Variants in FRMD4B observed in about 807,000 individuals in gnomAD.
The protein encoded by FRMD4B is FERM domain containing 4B.
FRMD4B carries 74 observed loss-of-function variants against 141.5 expected under a neutral mutation model. That is an observed-to-expected ratio of 0.52 (90% CI 0.43 to 0.63). The LOEUF (loss-of-function observed/expected upper bound fraction) is 0.63. Among genes scored for constraint, FRMD4B ranks in the 30% least tolerant of loss-of-function variants. The probability of loss-of-function intolerance (pLI) is 0.00; values close to 1 mark genes in which losing one functional copy is unlikely to be tolerated. For missense variants in FRMD4B, 1,366 were observed against 1,253.4 expected, an observed-to-expected ratio of 1.09 and a Z score of -1.36; for synonymous variants, 506 against 467.9, an observed-to-expected ratio of 1.08 and a Z score of -1.05.
chr3:69,540,139 G>C (rs998167923), intron 1 of FRMD4B, among the ~76,000 whole-genome samples: 13 of 152,026 alleles, frequency 8.6e-5, no homozygotes, highest in Admixed American at 7.9e-4. Context: ...GTTGCGGTGA[G>C]CCGCGATCGC....
intron 1 of FRMD4B, among the ~76,000 whole-genome samples, chr3:69,477,350 A>T (rs145217092): frequency 7.2e-6 from 1 of 139,414 alleles, no homozygotes; most frequent in African/African-American, 3.0e-5. Flanking sequence ...TTTGTCATAG[A>T]TAGCTCTTAT....
chr3:69,263,109 T>A (rs1192613318), intron 5 of FRMD4B, among the ~76,000 whole-genome samples: 1 of 151,656 alleles, frequency 6.6e-6, no homozygotes, highest in Non-Finnish European at 1.5e-5. Flanking sequence ...AAATACAAAT[T>A]AGCCAGGCAT....
rs1167369207 is a variant in FRMD4B at position 69,171,908 on chromosome 3, G to T, written c.3058C>A (p.Gln1020Lys). Residue 1020 changes from glutamine to lysine, a missense_variant, in exon 23 of 23, where the codon CAG (glutamine) becomes AAG (lysine). Physicochemically the swap from Gln to Lys is moderately conservative, Grantham distance 53. Transcript: ENST00000398540. ...GAATCTTCATGCCAAAAGAGTCTCTGCTCACTACTCTCCAGGTTGTCTTCC... is the reference window on the plus strand; with the variant it reads ...GAATCTTCATGCCAAAAGAGTCTCTTCTCACTACTCTCCAGGTTGTCTTCC... ...QLEDNLESSE[Q>K]RLFWHEDSKP... 1 of 1,613,104 alleles carries T rather than the reference G, an allele frequency of 6.2e-7. No individual in the cohort carries two copies. Among genetic ancestry groups the T allele is most frequent in the Non-Finnish European group, 8.5e-7 (1 of 1,179,128 alleles).
chr3:69,520,013 T>TGGA (rs56940736), intron 1 of FRMD4B, among the ~76,000 whole-genome samples: 5 of 130,012 alleles, frequency 3.8e-5, no homozygotes, highest in African/African-American at 1.7e-4. Context: ...TATATATATA[T>TGGA]ATATATATAT....
At chr3:69,208,909 G>C (rs1404472835) in intron 11 of FRMD4B, among the ~76,000 whole-genome samples, 1 of 152,110 alleles carries the variant, frequency 6.6e-6, no homozygotes, top group Non-Finnish European at 1.5e-5. Flanking sequence ...ACTTTGGGAG[G>C]CTGAGGCAGG....
chr3:69,417,122 G>T (rs1704880696), intron 2 of FRMD4B, among the ~76,000 whole-genome samples: 1 of 152,134 alleles, frequency 6.6e-6, no homozygotes, highest in African/African-American at 2.4e-5. Context: ...TTGAGGAATT[G>T]CCACACTGTC....
chr3:69,246,725 C>G (rs1165879741), intron 7 of FRMD4B, among the ~76,000 whole-genome samples: 1 of 152,198 alleles, frequency 6.6e-6, no homozygotes, highest in African/African-American at 2.4e-5. Flanking sequence ...TCCAGTCCCA[C>G]GCTCTCTCCA....
chr3:69,415,016 C>A (rs989447063), intron 2 of FRMD4B, among the ~76,000 whole-genome samples: 1 of 151,956 alleles, frequency 6.6e-6, no homozygotes, highest in African/African-American at 2.4e-5. Context: ...CAGGTGTGCA[C>A]CGCCACACCT....
chr3:69,322,282 A>T (rs541351088), intron 1 of FRMD4B, among the ~76,000 whole-genome samples: 1 of 152,132 alleles, frequency 6.6e-6, no homozygotes, highest in African/African-American at 2.4e-5. Flanking sequence ...GGGCCCCTTT[A>T]TATCATCTCT....
Position 69,181,709 on chromosome 3 carries a change from G to T in FRMD4B, c.2041C>A (p.Pro681Thr). 6.2e-7 allele frequency: 1 copy of T among 1,601,752 alleles called. No individual in the cohort carries two copies. Among genetic ancestry groups the T allele is most frequent in the South Asian group, 1.1e-5 (1 of 90,194 alleles). The change falls in exon 21 of 23, where the codon CCC becomes ACC. Residue 681 changes from proline to threonine, a missense_variant and splice_region_variant. By Grantham distance (38) the Pro-to-Thr change is conservative. Transcript: ENST00000398540. ...RNAYSSSHLE[P>T]ESSSQHCRQR... ...CGGCAGTGCTGAGATGAAGATTCGG[G>T]TCTGAAAGAGGAGAAAGGCAAACTT...
intron 1 of FRMD4B, among the ~76,000 whole-genome samples, chr3:69,495,817 T>C (rs916558384): frequency 2.0e-5 from 3 of 152,336 alleles, no homozygotes; most frequent in African/African-American, 7.2e-5. Context: ...ATATATTTTA[T>C]TGTTGTTTGA....
intron 1 of FRMD4B, among the ~76,000 whole-genome samples, chr3:69,338,522 G>A (rs1475130228): frequency 2.0e-5 from 3 of 151,976 alleles, no homozygotes; most frequent in Non-Finnish European, 4.4e-5. Flanking sequence ...GTGAGAAAAT[G>A]TCCTTTGCAA....
chr3:69,519,795 C>T (rs1311637050), intron 1 of FRMD4B, among the ~76,000 whole-genome samples: 3 of 151,794 alleles, frequency 2.0e-5, no homozygotes, highest in African/African-American at 4.8e-5. Flanking sequence ...CACCCCCTCC[C>T]ATCTTTTCCC....
At chr3:69,452,952 C>A (rs1705523757) in intron 1 of FRMD4B, among the ~76,000 whole-genome samples, 1 of 152,224 alleles carries the variant, frequency 6.6e-6, no homozygotes, top group African/African-American at 2.4e-5. Flanking sequence ...TTTATTGATA[C>A]AATATTTTGC....
intron 5 of FRMD4B, among the ~76,000 whole-genome samples, chr3:69,275,586 T>A (rs940869626): frequency 6.6e-6 from 1 of 151,848 alleles, no homozygotes; most frequent in African/African-American, 2.4e-5. Context: ...ACCACAGGCA[T>A]GTACCCAGCT....
At chr3:69,207,041 G>A (rs564170241) in intron 11 of FRMD4B, among the ~76,000 whole-genome samples, 3 of 152,212 alleles carry the variant, frequency 2.0e-5, no homozygotes, top group South Asian at 2.1e-4. Flanking sequence ...AATGGCTCAC[G>A]CTTATAATCC....
At chr3:69,253,761 A>G (rs2093477177) in intron 5 of FRMD4B, among the ~76,000 whole-genome samples, 1 of 152,182 alleles carries the variant, frequency 6.6e-6, no homozygotes, top group African/African-American at 2.4e-5. Context: ...TCTAGTACTA[A>G]TTGATTCAGG....
intron 1 of FRMD4B, among the ~76,000 whole-genome samples, chr3:69,322,458 T>C (rs764032812): frequency 1.3e-5 from 2 of 152,214 alleles, no homozygotes; most frequent in Non-Finnish European, 2.9e-5. Flanking sequence ...TAAGTGTCAA[T>C]AAATGATTCT....
intron 2 of FRMD4B, among the ~76,000 whole-genome samples, chr3:69,425,206 C>G (rs890758254): frequency 6.6e-6 from 1 of 152,166 alleles, no homozygotes; most frequent in Non-Finnish European, 1.5e-5. Context: ...CTCCTTCTTA[C>G]ACAGTAAATT....
Sources: gnomAD v4.1 joint callset for allele counts (sites outside exome capture counted in the v4.1 genomes callset) on GRCh38, gnomAD v4.1.1 for gene constraint, MANE v1.5 for transcripts, NCBI Gene and HGNC (gene_info 2026-07-23, HGNC 2026-07-21) for gene names.